Variants in KIF20B observed in about 807,000 individuals in gnomAD.
The protein encoded by KIF20B is kinesin-like protein KIF20B.
In KIF20B, 188 loss-of-function variants were observed where a neutral mutation model predicts 232.5. That is an observed-to-expected ratio of 0.81 (90% confidence interval 0.72 to 0.91). The LOEUF (loss-of-function observed/expected upper bound fraction) is 0.91. Ranked by LOEUF, KIF20B falls within the 40% of genes least tolerant of loss-of-function variation. KIF20B has a pLI of 0.00. For synonymous variants in KIF20B, 712 were observed against 683.0 expected (o/e 1.04, Z -0.66); for missense variants, 2,154 against 2,055.9 (o/e 1.05, Z -0.92).
chr10:89,732,784 A>G (rs1161957053), intron 18 of KIF20B, 119 bp from the exon 19 acceptor site: 2 of 858,446 alleles, frequency 2.3e-6, no homozygotes, highest in Non-Finnish European at 3.3e-6. Flanking sequence ...AACTTAGAAA[A>G]TGTCTCAACA....
At chr10:89,768,222 C>G in intron 29 of KIF20B, 68 bp from the exon 30 acceptor site, 1 of 1,036,210 alleles carries the variant, frequency 9.7e-7, no homozygotes. Context: ...TACAAATTTT[C>G]TTTTTTGAGT....
rs1395581811 is a variant in KIF20B at position 89,715,018 on chromosome 10, C to T, written c.776C>T (p.Ala259Val). 6.2e-7 allele frequency: 1 copy of T among 1,603,578 alleles called. No individual in the cohort carries two copies. Among genetic ancestry groups the T allele is most frequent in the South Asian group, 1.1e-5 (1 of 88,228 alleles). The change falls in exon 8 of 33, where the codon GCC becomes GTC. Residue 259 changes from alanine to valine, a missense_variant. Ala to Val is a moderately conservative substitution (Grantham distance 64). Coordinates refer to ENST00000371728, the MANE Select transcript of KIF20B (RefSeq NM_001284259.2). ...GAATCCATAAAAGATTATGAACAAG[C>T]CAACTTGAATATGGCTAATAGTATA... ...FEESIKDYEQ[A>V]NLNMANSIKF...
intron 14 of KIF20B, among the ~76,000 whole-genome samples, chr10:89,724,332 G>T (rs375084798): frequency 5.9e-5 from 9 of 152,216 alleles, no homozygotes; most frequent in African/African-American, 2.2e-4. Context: ...GTCGAGATCA[G>T]CCTGGCCAAC....
Position 89,754,521 on chromosome 10 carries a change from T to G in KIF20B, c.4351T>G (p.Ser1451Ala), listed in dbSNP as rs1842081460. Residue 1451 changes from serine to alanine, a missense_variant, in exon 26 of 33, where the codon TCT becomes GCT. By Grantham distance (99) the Ser-to-Ala change is moderately conservative. Transcript: ENST00000371728. ...LTNLQDELQE[S>A]EQKYNADRKK... ...CTTATACCATTTATATATACAGGAG[T>G]CTGAACAGAAATATAATGCTGATAG... 1 of 1,578,306 alleles carries G rather than the reference T, an allele frequency of 6.3e-7. No homozygotes were observed. The highest frequency in any genetic ancestry group is 1.8e-5 in the Admixed American group (1 of 55,286).
At chr10:89,721,948 G>C (rs979833381) in intron 13 of KIF20B, among the ~76,000 whole-genome samples, 4 of 152,114 alleles carry the variant, frequency 2.6e-5, no homozygotes, top group Admixed American at 2.6e-4. Flanking sequence ...GTCTTGCTCT[G>C]TTACCTAGGC....
chr10:89,703,859 TCTC>T (rs1357959165), intron 1 of KIF20B, among the ~76,000 whole-genome samples: 1 of 151,832 alleles, frequency 6.6e-6, no homozygotes, highest in Non-Finnish European at 1.5e-5. Context: ...TTCAAGCGAT[TCTC>T]CTACCTCAGC....
chr10:89,737,497 G>A lies in KIF20B; in HGVS notation c.2656G>A (p.Gly886Arg), dbSNP rs781202563. 1 of 1,610,402 alleles carries A rather than the reference G, an allele frequency of 6.2e-7. No homozygotes were observed. Among genetic ancestry groups the A allele is most frequent in the Admixed American group, 1.7e-5 (1 of 59,562 alleles). ...DIRVLQENNEGLRAFLLTIEN... is the reference protein window; with the variant it reads ...DIRVLQENNERLRAFLLTIEN... ...CAGAGTTTTACAAGAAAATAATGAA[G>A]GACTGAGAGCATTTTTACTCACTAT... Residue 886 changes from glycine to arginine, a missense_variant, in exon 20 of 33, where the codon GGA becomes AGA. Coordinates refer to ENST00000371728, the MANE Select transcript of KIF20B (RefSeq NM_001284259.2).
chr10:89,706,570 T>G (rs188894865), intron 2 of KIF20B, among the ~76,000 whole-genome samples: 1 of 152,032 alleles, frequency 6.6e-6, no homozygotes, highest in Non-Finnish European at 1.5e-5. Flanking sequence ...GAACAGTTTT[T>G]GTGTGCAGTT....
Position 89,738,568 on chromosome 10 carries a change from C to T in KIF20B, c.3727C>T (p.Leu1243Phe), listed in dbSNP as rs1274458736. 3.2e-6 allele frequency: 5 copies of T among 1,567,914 alleles called. No homozygotes were observed. The highest frequency in any genetic ancestry group is 4.3e-6 in the Non-Finnish European group (5 of 1,162,054). ...TNNLQDMKHL[L>F]QLKEEEEETN... ...TAATTTGCAAGATATGAAACATTTA[C>T]TTCAATTAAAAGAAGAAGAAGAAGA... The change falls in exon 20 of 33, where the codon CTT (leucine) becomes TTT (phenylalanine). Residue 1243 changes from leucine to phenylalanine, a missense_variant. Transcript: ENST00000371728.
At chr10:89,766,059 A>T (rs887203348) in intron 29 of KIF20B, among the ~76,000 whole-genome samples, 3 of 152,076 alleles carry the variant, frequency 2.0e-5, no homozygotes, top group African/African-American at 7.2e-5. Context: ...GCCTTGCTAG[A>T]TTGAGGAAGT....
rs1370486574 is a variant in KIF20B at position 89,709,923 on chromosome 10, T to C, written c.352-4T>C. The C allele has an allele frequency of 2.4e-5, 37 of 1,566,608 alleles. No individual in the cohort carries two copies. The highest frequency in any genetic ancestry group is 3.1e-5 in the Non-Finnish European group (36 of 1,161,786). ...AAAAGAGTTTTTAAAAAATGTTTGC[T>C]TAGGTTTTTGGCCCAGCAACTACAC... On this transcript the variant is annotated splice_region_variant and splice_polypyrimidine_tract_variant and intron_variant, in intron 4 of 32. Transcript: ENST00000371728.
chr10:89,744,139 G>A (rs963346279), intron 22 of KIF20B, among the ~76,000 whole-genome samples: 15 of 151,800 alleles, frequency 9.9e-5, no homozygotes, highest in African/African-American at 3.6e-4. Context: ...ATAGACTATG[G>A]AAAAGAAAAA....
At chr10:89,739,398 A>C (rs1367379385) in intron 21 of KIF20B, among the ~76,000 whole-genome samples, 5 of 152,184 alleles carry the variant, frequency 3.3e-5, no homozygotes, top group African/African-American at 1.2e-4. Flanking sequence ...AGTACTTAGG[A>C]GAATGTGCAG....
chr10:89,762,537 C>T, intron 28 of KIF20B, 101 bp from the exon 29 acceptor site: 3 of 824,720 alleles, frequency 3.6e-6, no homozygotes, highest in Non-Finnish European at 1.9e-6. Context: ...TTTGTCTTTC[C>T]CAATGCATTG....
chr10:89,734,838 G>A (rs1433906137), intron 19 of KIF20B, among the ~76,000 whole-genome samples: 1 of 152,140 alleles, frequency 6.6e-6, no homozygotes, highest in African/African-American at 2.4e-5. Flanking sequence ...TGTCAGTTAA[G>A]GGCTTTGTAA....
rs1426159452 is a variant in KIF20B at position 89,774,624 on chromosome 10, C to T, written c.*576C>T. 1 of 151,870 alleles carries T rather than the reference C, an allele frequency of 6.6e-6. No individual in the cohort carries two copies. The highest frequency in any genetic ancestry group is 2.4e-5 in the African/African-American group (1 of 41,354). The allele number at this position is 151,870 out of a possible 1,614,324, so 9.4% of individuals were successfully genotyped here. ...TGACACAGGCATGCAATGTGAAATA[C>T]GTGTATCATGGAGAATGAGGTATCC... On this transcript the variant is annotated 3_prime_UTR_variant, in exon 33 of 33. Coordinates refer to ENST00000371728, the MANE Select transcript of KIF20B (RefSeq NM_001284259.2).
intron 6 of KIF20B, among the ~76,000 whole-genome samples, chr10:89,713,325 C>T (rs941960338): frequency 7.0e-6 from 1 of 143,078 alleles, no homozygotes; most frequent in African/African-American, 2.6e-5. Context: ...TGCGCCACTA[C>T]ATTCCAGCCT....
chr10:89,716,613 A>T, intron 9 of KIF20B, 66 bp downstream of exon 9: 1 of 796,240 alleles, frequency 1.3e-6, no homozygotes. Context: ...ATTTAAACAC[A>T]GCTAATTTTA....
At chr10:89,742,652 C>T (rs1175351135) in intron 21 of KIF20B, among the ~76,000 whole-genome samples, 1 of 150,586 alleles carries the variant, frequency 6.6e-6, no homozygotes, top group Non-Finnish European at 1.5e-5. Flanking sequence ...TAAGAATCCT[C>T]TGAAACCATA....
Sources: gnomAD v4.1 joint callset for allele counts (sites outside exome capture counted in the v4.1 genomes callset) on GRCh38, gnomAD v4.1.1 for gene constraint, MANE v1.5 for transcripts, NCBI Gene and HGNC (gene_info 2026-07-23, HGNC 2026-07-21) for gene names.